ABCA9: variants seen among roughly 807,000 people sequenced by gnomAD.
ABCA9 encodes the protein ATP-binding cassette sub-family A member 9.
In ABCA9, 183 loss-of-function variants were observed where a neutral mutation model predicts 205.3. The ratio of observed to expected loss-of-function variants is 0.89; its 90% CI spans 0.79 to 1.01. The LOEUF (loss-of-function observed/expected upper bound fraction) is 1.01, where lower values mean the gene tolerates loss of function less well. Among genes scored for constraint, ABCA9 ranks in the 50% least tolerant of loss-of-function variants. ABCA9 has a pLI of 0.00. For synonymous variants in ABCA9, 651 were observed against 683.3 expected (o/e 0.95, Z 0.74); for missense variants, 1,805 against 1,912.4 (o/e 0.94, Z 1.05).
intron 29 of ABCA9, among the ~76,000 whole-genome samples, chr17:68,990,390 T>C (rs2069408629): frequency 6.6e-6 from 1 of 152,212 alleles, no homozygotes; most frequent in African/African-American, 2.4e-5. Flanking sequence ...TGCACATGCA[T>C]GTGTTTCTTG....
intron 22 of ABCA9, among the ~76,000 whole-genome samples, chr17:69,015,593 T>C (rs550707246): frequency 2.2e-4 from 33 of 152,276 alleles, no homozygotes; most frequent in African/African-American, 7.7e-4. Context: ...ATAGTTTTAA[T>C]AGCAATAATA....
rs1031194321 is a variant in ABCA9 at position 69,013,864 on chromosome 17, A to C, written c.3040-1781T>G. On this transcript the variant is annotated intron_variant, in intron 22 of 38. Transcript: ENST00000340001. ...TTAGGATCAAGTGGAATAGGCTTAC[A>C]AAATTGTAACAGAGAATGCCAGGAG... 6.6e-5 allele frequency among the ~76,000 whole-genome samples: 10 copies of C among 152,256 alleles called. 1 individual carries two copies. The South Asian group carries it at 1.2e-3, about 19-fold the overall frequency.
rs1308172577 is a variant in ABCA9, at chr17:68,975,121, G to GT, written c.*793dup. ...ATGCGGTGTTTGGTTTTCTGTTCCT[G>GT]TGTTAGTTTGCTGAGGATGATGGTT... On this transcript the variant is annotated 3_prime_UTR_variant, in exon 39 of 39. Coordinates refer to ENST00000340001, the MANE Select transcript of ABCA9 (RefSeq NM_080283.4). 6.6e-6 allele frequency: 1 copy of GT among 152,090 alleles called. No homozygotes were observed. The highest frequency in any genetic ancestry group is 1.5e-5 in the Non-Finnish European group (1 of 68,046). The allele number at this position is 152,090 out of a possible 1,614,324, so 9.4% of individuals were successfully genotyped here.
rs760703587 is a variant in ABCA9, at chr17:69,026,436, C to T, written c.2082G>A (p.Leu694=). 1.2e-6 allele frequency: 2 copies of T among 1,613,878 alleles called. No homozygotes were observed. Among genetic ancestry groups the T allele is most frequent in the South Asian group, 2.2e-5 (2 of 91,072 alleles). The part of the protein sequence containing the change: ...DRKVFISNGK[L]KCAGSSLFLK... ...GGAACAGAGAAGAGCCTGCACACTT[C>T]AGCTTCCCATTGGATATGAACACCT... is the stretch of plus-strand genomic sequence containing the variant. The change falls in exon 16 of 39, where the codon CTG becomes CTA. Residue 694 remains leucine, a synonymous_variant. Coordinates refer to ENST00000340001, the MANE Select transcript of ABCA9 (RefSeq NM_080283.4).
chr17:69,073,914 A>G, the ABCA9 span, among the ~76,000 whole-genome samples: 2 of 151,740 alleles, frequency 1.3e-5, no homozygotes, highest in Non-Finnish European at 2.9e-5. Context: ...GTTGCCCAGG[A>G]TGGTCTTGAA....
Position 69,020,427 on chromosome 17 carries a change from A to C in ABCA9, c.2561T>G (p.Phe854Cys). 6.2e-7 allele frequency: 1 copy of C among 1,613,920 alleles called. No individual in the cohort carries two copies. Among genetic ancestry groups the C allele is most frequent in the Non-Finnish European group, 8.5e-7 (1 of 1,179,916 alleles). The change falls in exon 19 of 39, where the codon TTC (phenylalanine) becomes TGC (cysteine). Residue 854 changes from phenylalanine to cysteine, a missense_variant. Phe to Cys is a radical substitution (Grantham distance 205, BLOSUM62 -2). Transcript: ENST00000340001. ...TTTTCTTTCTTTCTTTAACTTTAGG[A>C]AGCGAACTTTTGCTATTGCACAGAC... ...QQVCAIAKVRFLKLKKERKSL... is the reference protein window; with the variant it reads ...QQVCAIAKVRCLKLKKERKSL...
chr17:68,976,251 T>A, intron 37 of ABCA9, 61 bp from the exon 38 acceptor site: 2 of 1,389,798 alleles, frequency 1.4e-6, no homozygotes, highest in Non-Finnish European at 1.0e-6. Context: ...TTTTACCAAG[T>A]AACAAACCAA....
intron 10 of ABCA9, among the ~76,000 whole-genome samples, chr17:69,030,484 G>A (rs1410378513): frequency 6.6e-6 from 1 of 152,110 alleles, no homozygotes; most frequent in Non-Finnish European, 1.5e-5. Flanking sequence ...TCATTTTAAG[G>A]GTTAGGGTTT....
At position 69,020,527 on chromosome 17, in the gene ABCA9, C is replaced by T. The variant is rs986444910; in HGVS notation, c.2461G>A (p.Glu821Lys). 2.5e-6 allele frequency: 4 copies of T among 1,613,984 alleles called. No homozygotes were observed. Among genetic ancestry groups the T allele is most frequent in the Admixed American group, 1.7e-5 (1 of 59,986 alleles). Residue 821 changes from glutamate (E) to lysine (K), a missense_variant, in exon 19 of 39, where the codon GAG (glutamate) becomes AAG (lysine). Glu to Lys is a moderately conservative substitution (Grantham distance 56). Transcript: ENST00000340001. ...DGAKDIGSLV[E>K]LEQVLSSFHE... is the part of the protein sequence containing the mutation. ...AAGGAAGACAAAACTTGTTCCAGCT[C>T]AACAAGGCTTCCTATATCTTTTGCC...
chr17:68,977,258 G>A (rs1031395565), intron 37 of ABCA9, among the ~76,000 whole-genome samples: 1 of 152,064 alleles, frequency 6.6e-6, no homozygotes, highest in African/African-American at 2.4e-5. Context: ...ACCCACCCCG[G>A]GGAGCTGTAA....
chr17:69,054,445 T>C (rs1484491770), intron 1 of ABCA9, among the ~76,000 whole-genome samples: 1 of 151,244 alleles, frequency 6.6e-6, no homozygotes, highest in Non-Finnish European at 1.5e-5. Context: ...AAAGGATCAC[T>C]TGGGCCTGAG....
At chr17:68,994,566 A>T (rs1378202780) in intron 26 of ABCA9, among the ~76,000 whole-genome samples, 1 of 152,152 alleles carries the variant, frequency 6.6e-6, no homozygotes, top group Non-Finnish European at 1.5e-5. Context: ...AGTTTTTCAC[A>T]TCTTTTTTTC....
At chr17:69,047,741 T>C (rs578158977) in intron 3 of ABCA9, among the ~76,000 whole-genome samples, 1 of 152,188 alleles carries the variant, frequency 6.6e-6, no homozygotes. Context: ...CATGCCTAAG[T>C]TGCAAAACCT....
intron 22 of ABCA9, among the ~76,000 whole-genome samples, 168 bp downstream of exon 22, chr17:69,016,083 CAG>C (rs545410582): frequency 1.1e-3 from 152 of 134,148 alleles, no homozygotes; most frequent in African/African-American, 4.0e-3. Flanking sequence ...ATATTGCACA[CAG>C]ATTTATATGT....
rs545360264 is a variant in ABCA9 at position 69,004,221 on chromosome 17, G to A, written c.3435+3538C>T. 4.5e-4 allele frequency among the ~76,000 whole-genome samples: 69 copies of A among 152,262 alleles called. 1 individual carries two copies. Among genetic ancestry groups the A allele is most frequent in the African/African-American group, 1.5e-3 (63 of 41,552 alleles). On this transcript the variant is annotated intron_variant, in intron 25 of 38. Coordinates refer to ENST00000340001, the MANE Select transcript of ABCA9 (RefSeq NM_080283.4). Reference sequence around the variant, plus strand: ...GATTTTTAGAGTTTCCAGTTTTTCTGTTCTGTTTTTTCCCCATCTTTGTGG... The same window carrying A: ...GATTTTTAGAGTTTCCAGTTTTTCTATTCTGTTTTTTCCCCATCTTTGTGG...
In ABCA9 at chr17:69,026,475, G is replaced by A; in HGVS notation, c.2051-8C>T. 6.2e-7 allele frequency: 1 copy of A among 1,606,162 alleles called. No individual in the cohort carries two copies. Among genetic ancestry groups the A allele is most frequent in the Middle Eastern group, 1.7e-4 (1 of 6,042 alleles). On this transcript the variant is annotated splice_polypyrimidine_tract_variant and splice_region_variant and intron_variant, in intron 15 of 38. Coordinates refer to ENST00000340001, the MANE Select transcript of ABCA9 (RefSeq NM_080283.4). ...ATATGAACACCTTCCTGTCTAGTTA[G>A]AAATAATCAAAAGATAAGTTACATG...
chr17:69,027,153 C>T (rs758693892), intron 14 of ABCA9, 39 bp from the exon 15 acceptor site: 13 of 1,602,904 alleles, frequency 8.1e-6, no homozygotes, highest in Admixed American at 3.5e-5. Flanking sequence ...TCCACCCTTT[C>T]GGATAAGATC....
intron 2 of ABCA9, 126 bp from the exon 3 acceptor site, chr17:69,049,616 G>GT: frequency 1.3e-6 from 1 of 763,360 alleles, no homozygotes; most frequent in Middle Eastern, 3.9e-4. Flanking sequence ...CTTTCTCCTA[G>GT]TTTTTAAATA....
At chr17:69,066,161 A>G in the ABCA9 span, among the ~76,000 whole-genome samples, 3 of 152,176 alleles carry the variant, frequency 2.0e-5, no homozygotes, top group Non-Finnish European at 4.4e-5. Flanking sequence ...CCCCCACAGC[A>G]CGCTGTGGTT....
Sources: gnomAD v4.1 joint callset for allele counts (sites outside exome capture counted in the v4.1 genomes callset) on GRCh38, gnomAD v4.1.1 for gene constraint, MANE v1.5 for transcripts, NCBI Gene and HGNC (gene_info 2026-07-23, HGNC 2026-07-21) for gene names.